The following PPP2CA variants were observed in gnomAD, a reference collection of about 807,000 sequenced individuals.
PPP2CA encodes protein phosphatase 2 catalytic subunit alpha, also known as serine/threonine-protein phosphatase 2A catalytic subunit alpha isoform.
In PPP2CA, 5 loss-of-function variants were observed where a neutral mutation model predicts 38.8. That is an observed-to-expected ratio of 0.13 (90% CI 0.07 to 0.27). PPP2CA has a LOEUF of 0.27. PPP2CA is among the 10% of genes least tolerant of loss of function. The pLI is 1.00. For missense variants in PPP2CA, 88 were observed against 389.7 expected (o/e 0.23, Z 6.52); for synonymous variants, 152 against 134.0 (o/e 1.13, Z -0.93).
At chr5:134,214,529 GA>G (rs1448319307) in intron 1 of PPP2CA, among the ~76,000 whole-genome samples, 1 of 152,090 alleles carries the variant, frequency 6.6e-6, no homozygotes, top group African/African-American at 2.4e-5. Context: ...ATAAATGAAA[GA>G]ATATACTCAT....
At chr5:134,203,127 T>C (rs568876548) in intron 2 of PPP2CA, among the ~76,000 whole-genome samples, 153 of 152,314 alleles carry the variant, frequency 1.0e-3, no homozygotes, top group Non-Finnish European at 1.8e-3. Context: ...TACAAGTACT[T>C]TTTTTCTGGT....
intron 1 of PPP2CA, among the ~76,000 whole-genome samples, chr5:134,224,025 G>A (rs1762503300): frequency 6.6e-6 from 1 of 152,200 alleles, no homozygotes; most frequent in South Asian, 2.1e-4. Context: ...AAGGACTCAT[G>A]TCCAAATCTA....
chr5:134,205,318 T>C (rs557584919), intron 2 of PPP2CA, among the ~76,000 whole-genome samples: 19 of 152,208 alleles, frequency 1.2e-4, no homozygotes, highest in Admixed American at 1.2e-3. Flanking sequence ...TCTAATTATA[T>C]TACCTCTCCA....
chr5:134,196,453 G>C lies in PPP2CA; in HGVS notation c.*1319C>G, dbSNP rs1359239072. 5.3e-5 allele frequency: 8 copies of C among 152,112 alleles called. No individual in the cohort carries two copies. Among genetic ancestry groups the C allele is most frequent in the Non-Finnish European group, 1.5e-5 (1 of 68,014 alleles). The allele number at this position is 152,112 out of a possible 1,614,324, so 9.4% of individuals were successfully genotyped here. Reference sequence around the variant, plus strand: ...CACTGCCACTTTAAGTACCATTTTTGTCTTCGGGTGAATGTACATAAGACT... The same window carrying C: ...CACTGCCACTTTAAGTACCATTTTTCTCTTCGGGTGAATGTACATAAGACT... On this transcript the variant is annotated 3_prime_UTR_variant, in exon 7 of 7. Coordinates refer to ENST00000481195, the MANE Select transcript of PPP2CA (RefSeq NM_002715.4).
rs1761813981 is a variant in PPP2CA at position 134,194,839 on chromosome 5, A to ATCTCCTGACC, written c.*2932_*2933insGGTCAGGAGA. 6.6e-6 allele frequency: 1 copy of ATCTCCTGACC among 152,038 alleles called. No homozygotes were observed. The highest frequency in any genetic ancestry group is 2.4e-5 in the African/African-American group (1 of 41,372). The allele number at this position is 152,038 out of a possible 1,614,324, so 9.4% of individuals were successfully genotyped here. A position where few individuals can be genotyped will look rare whatever the true frequency, so the allele number is the denominator to read the frequency against. Reference sequence around the variant, plus strand: ...GCCAGGCTGGTCTCGATCTCCTGACATCAGGTGATCCACCCACCCCGGCCT... The same window carrying ATCTCCTGACC: ...GCCAGGCTGGTCTCGATCTCCTGACATCTCCTGACCTCAGGTGATCCACCCACCCCGGCCT... On this transcript the variant is annotated 3_prime_UTR_variant, in exon 7 of 7. Transcript: ENST00000481195.
Position 134,205,937 on chromosome 5 carries a change from C to A in PPP2CA, c.297G>T (p.Leu99=), listed in dbSNP as rs1762074706. 6.2e-7 allele frequency: 1 copy of A among 1,613,316 alleles called. No individual in the cohort carries two copies. The highest frequency in any genetic ancestry group is 8.5e-7 in the Non-Finnish European group (1 of 1,179,282). Residue 99 remains leucine (L), a synonymous_variant, in exon 2 of 7, where the codon CTG becomes CTT. Coordinates refer to ENST00000481195, the MANE Select transcript of PPP2CA (RefSeq NM_002715.4). ...RGYYSVETVT[L]LVALKVRYRE... is the part of the protein sequence containing the mutation. ...TTGAAATTACCTTAAGAGCTACAAG[C>A]AGTGTAACTGTTTCAACTGAATAAT...
intron 2 of PPP2CA, among the ~76,000 whole-genome samples, chr5:134,203,180 G>A (rs1479853266): frequency 2.0e-5 from 3 of 151,580 alleles, no homozygotes; most frequent in Non-Finnish European, 2.9e-5. Flanking sequence ...GATAAAGTCC[G>A]ATTTTTCAAT....
At chr5:134,208,930 C>A (rs1227085449) in intron 1 of PPP2CA, among the ~76,000 whole-genome samples, 1 of 152,110 alleles carries the variant, frequency 6.6e-6, no homozygotes. Context: ...AGAGTATTCC[C>A]CTGACCAATT....
rs1326403121 is a variant in PPP2CA, at chr5:134,195,851, A to AT, written c.*1920dup. 6.6e-6 allele frequency: 1 copy of AT among 152,182 alleles called. No homozygotes were observed. The highest frequency in any genetic ancestry group is 1.5e-5 in the Non-Finnish European group (1 of 68,032). The allele number at this position is 152,182 out of a possible 1,614,324, so 9.4% of individuals were successfully genotyped here. A position where few individuals can be genotyped will look rare whatever the true frequency, so the allele number is the denominator to read the frequency against. On this transcript the variant is annotated 3_prime_UTR_variant, in exon 7 of 7. Coordinates refer to ENST00000481195, the MANE Select transcript of PPP2CA (RefSeq NM_002715.4). ...CAAGTCCCATTCTGCTAACCACAAA[A>AT]TTTAGAGAATTTGTACCTGGAAGAT...
chr5:134,208,186 CT>C (rs1762124150), intron 1 of PPP2CA, among the ~76,000 whole-genome samples: 3 of 152,154 alleles, frequency 2.0e-5, no homozygotes, highest in Non-Finnish European at 2.9e-5. Context: ...ACATTTAAAG[CT>C]ATCAGAAGTT....
chr5:134,218,681 T>TC (rs1762372009), intron 1 of PPP2CA, among the ~76,000 whole-genome samples: 1 of 151,350 alleles, frequency 6.6e-6, no homozygotes, highest in Non-Finnish European at 1.5e-5. Context: ...TTTTTTTTTT[T>TC]TTCTTTTAAG....
At chr5:134,216,788 G>A (rs1045961781) in intron 1 of PPP2CA, among the ~76,000 whole-genome samples, 12 of 152,092 alleles carry the variant, frequency 7.9e-5, no homozygotes, top group Non-Finnish European at 1.3e-4. Flanking sequence ...GTAGGTATGA[G>A]CCACCATGCC....
At chr5:134,208,190 C>G (rs982666758) in intron 1 of PPP2CA, among the ~76,000 whole-genome samples, 1 of 152,134 alleles carries the variant, frequency 6.6e-6, no homozygotes, top group Admixed American at 6.5e-5. Flanking sequence ...TTAAAGCTAT[C>G]AGAAGTTAAA....
intron 2 of PPP2CA, among the ~76,000 whole-genome samples, chr5:134,203,744 T>C (rs1193888777): frequency 4.6e-5 from 7 of 152,168 alleles, no homozygotes; most frequent in Admixed American, 2.6e-4. Flanking sequence ...TCCCCCCAGA[T>C]AGGATCTCAC....
intron 5 of PPP2CA, among the ~76,000 whole-genome samples, 172 bp downstream of exon 5, chr5:134,200,163 G>A (rs1055345741): frequency 6.6e-6 from 1 of 152,146 alleles, no homozygotes; most frequent in Non-Finnish European, 1.5e-5. Context: ...AAAAGCTTGA[G>A]CTTTTAATTC....
Position 134,195,033 on chromosome 5 carries a change from AT to A in PPP2CA, c.*2738del, listed in dbSNP as rs1294050574. ...AAAGCTGAGAACCACAGAAATAACT[AT>A]CCTTTTCCTGAGCTAAGTCCTTCTT... On this transcript the variant is annotated 3_prime_UTR_variant, in exon 7 of 7. Coordinates refer to ENST00000481195, the MANE Select transcript of PPP2CA (RefSeq NM_002715.4). The A allele has an allele frequency of 6.6e-6, 1 of 152,174 alleles. No homozygotes were observed. The highest frequency in any genetic ancestry group is 1.5e-5 in the Non-Finnish European group (1 of 68,032). 9.4% of individuals were successfully genotyped at this position (152,174 alleles called of 1,614,324 possible). A position where few individuals can be genotyped will look rare whatever the true frequency, so the allele number is the denominator to read the frequency against.
Position 134,197,020 on chromosome 5 carries a change from C to T in PPP2CA, c.*752G>A, listed in dbSNP as rs530066140. 3.3e-5 allele frequency: 5 copies of T among 152,606 alleles called. No individual in the cohort carries two copies. The South Asian group carries it at 6.2e-4, about 19-fold the overall frequency. 9.5% of individuals were successfully genotyped at this position (152,606 alleles called of 1,614,324 possible). The stretch of plus-strand genomic sequence containing the variant: ...ACAAGTCTACAAATTCTAAAATTTA[C>T]TCAATTGATTTAACTTTTTTAATAA... On this transcript the variant is annotated 3_prime_UTR_variant, in exon 7 of 7. Transcript: ENST00000481195.
intron 1 of PPP2CA, among the ~76,000 whole-genome samples, chr5:134,209,493 C>T (rs1341774472): frequency 6.6e-6 from 1 of 152,154 alleles, no homozygotes; most frequent in Non-Finnish European, 1.5e-5. Flanking sequence ...TCATTTTGGG[C>T]TGGGTGCAGT....
At position 134,195,415 on chromosome 5, in the gene PPP2CA, T is replaced by G. The variant is rs1303803092; in HGVS notation, c.*2357A>C. The G allele has an allele frequency of 6.6e-6, 1 of 152,098 alleles. No individual in the cohort carries two copies. The highest frequency in any genetic ancestry group is 1.5e-5 in the Non-Finnish European group (1 of 68,058). 9.4% of individuals were successfully genotyped at this position (152,098 alleles called of 1,614,324 possible). The stretch of plus-strand genomic sequence containing the variant: ...ATGGTATGCCACCAAGCCCGGCTGA[T>G]TTTCATATTTTTTGTAGAGATGGGG... On this transcript the variant is annotated 3_prime_UTR_variant, in exon 7 of 7. Transcript: ENST00000481195.
Sources: allele counts gnomAD v4.1 joint callset (sites outside exome capture counted in the v4.1 genomes callset), GRCh38; gene constraint gnomAD v4.1.1; transcripts MANE v1.5; gene names NCBI Gene and HGNC (gene_info 2026-07-23, HGNC 2026-07-21).